CFDP1: variants seen among roughly 807,000 people sequenced by gnomAD.
CFDP1 encodes chromatin remodeling protein CFDP1, also known as heterochromatin-stabilizing protein CFDP1.
CFDP1 carries 31 observed loss-of-function variants against 40.1 expected under a neutral mutation model. The ratio of observed to expected loss-of-function variants is 0.77; its 90% CI spans 0.58 to 1.04. CFDP1 has a LOEUF of 1.04. Ranked by LOEUF, CFDP1 falls within the 50% of genes least tolerant of loss-of-function variation. CFDP1 has a pLI of 0.00. For synonymous variants in CFDP1, 167 were observed against 120.0 expected (o/e 1.39, Z -2.56); for missense variants, 423 against 343.4 (o/e 1.23, Z -1.83).
chr16:75,422,331 G>A (rs1309839206), intron 1 of CFDP1, among the ~76,000 whole-genome samples: 3 of 151,526 alleles, frequency 2.0e-5, no homozygotes, highest in South Asian at 4.2e-4. Flanking sequence ...TCTTGACCTC[G>A]TGATCCACCT....
chr16:75,404,258 C>T (rs1223199139), intron 4 of CFDP1, among the ~76,000 whole-genome samples: 2 of 143,354 alleles, frequency 1.4e-5, no homozygotes, highest in Non-Finnish European at 3.0e-5. Context: ...TTTTTTGAGA[C>T]GGAGTCTTGC....
chr16:75,314,985 C>A (rs1414952292), intron 5 of CFDP1, among the ~76,000 whole-genome samples: 1 of 152,118 alleles, frequency 6.6e-6, no homozygotes, highest in Non-Finnish European at 1.5e-5. Flanking sequence ...CTCCTGACCT[C>A]AAGTGATCCG....
At chr16:75,317,312 C>T (rs1946152703) in intron 5 of CFDP1, among the ~76,000 whole-genome samples, 1 of 152,248 alleles carries the variant, frequency 6.6e-6, no homozygotes, top group African/African-American at 2.4e-5. Context: ...TTCATCTCCT[C>T]CCTGGGAAAG....
At chr16:75,423,077 G>A (rs1454723243) in intron 1 of CFDP1, among the ~76,000 whole-genome samples, 6 of 151,818 alleles carry the variant, frequency 4.0e-5, no homozygotes, top group Non-Finnish European at 5.9e-5. Context: ...TCAGGAGATC[G>A]AGACCATCCT....
At chr16:75,411,037 G>A (rs1486476930) in intron 4 of CFDP1, among the ~76,000 whole-genome samples, 1 of 151,882 alleles carries the variant, frequency 6.6e-6, no homozygotes, top group East Asian at 1.9e-4. Context: ...TGGCCAACAT[G>A]GCGAAACCCC....
At chr16:75,321,519 C>T (rs968167494) in intron 5 of CFDP1, among the ~76,000 whole-genome samples, 3 of 152,148 alleles carry the variant, frequency 2.0e-5, no homozygotes, top group Non-Finnish European at 4.4e-5. Flanking sequence ...ATACTTTAAA[C>T]CAAGCTTGTC....
At chr16:75,416,414 TGAAAC>T (rs1428880906) in intron 1 of CFDP1, among the ~76,000 whole-genome samples, 16 of 126,572 alleles carry the variant, frequency 1.3e-4, no homozygotes, top group South Asian at 2.4e-4. Flanking sequence ...TTCAGAAAAA[TGAAAC>T]AAACAAAAAA....
chr16:75,307,624 C>T (rs2078267619), intron 5 of CFDP1, among the ~76,000 whole-genome samples: 1 of 152,134 alleles, frequency 6.6e-6, no homozygotes, highest in African/African-American at 2.4e-5. Flanking sequence ...ACCAGTGAAA[C>T]CACAGCTTAC....
At chr16:75,416,068 G>A (rs1324814458) in intron 1 of CFDP1, among the ~76,000 whole-genome samples, 2 of 152,062 alleles carry the variant, frequency 1.3e-5, no homozygotes, top group African/African-American at 2.4e-5. Context: ...GGCCAGGCTG[G>A]TTTTGAATTC....
At chr16:75,361,343 G>A (rs1258705892) in intron 5 of CFDP1, among the ~76,000 whole-genome samples, 1 of 152,108 alleles carries the variant, frequency 6.6e-6, no homozygotes, top group East Asian at 1.9e-4. Flanking sequence ...AAAGCCGGGC[G>A]CGGTGGCTCA....
intron 5 of CFDP1, among the ~76,000 whole-genome samples, chr16:75,362,562 A>G (rs116602925): frequency 1.1e-3 from 164 of 152,300 alleles, no homozygotes; most frequent in African/African-American, 3.8e-3. Flanking sequence ...GGCTCAAGAA[A>G]CCATGTAACA....
chr16:75,329,150 C>A (rs181697127), intron 5 of CFDP1, among the ~76,000 whole-genome samples: 14 of 151,838 alleles, frequency 9.2e-5, no homozygotes, highest in African/African-American at 3.4e-4. Context: ...TGTGCCCGGC[C>A]AACTTTTGTA....
chr16:75,343,165 A>G (rs1443909251), intron 5 of CFDP1, among the ~76,000 whole-genome samples: 2 of 152,144 alleles, frequency 1.3e-5, no homozygotes, highest in Non-Finnish European at 1.5e-5. Flanking sequence ...AGAAAAATGG[A>G]AAAAAGTCCC....
intron 5 of CFDP1, among the ~76,000 whole-genome samples, chr16:75,390,232 T>C (rs2078935672): frequency 6.6e-6 from 1 of 152,220 alleles, no homozygotes; most frequent in South Asian, 2.1e-4. Flanking sequence ...CTCTCTGCTC[T>C]AGGAGCTGCT....
intron 2 of CFDP1, among the ~76,000 whole-genome samples, chr16:75,414,011 G>A (rs2079183923): frequency 6.6e-6 from 1 of 151,944 alleles, no homozygotes; most frequent in African/African-American, 2.4e-5. Context: ...AATATTCACT[G>A]CACTCTTCTT....
At chr16:75,364,708 T>C (rs763474773) in intron 5 of CFDP1, among the ~76,000 whole-genome samples, 1 of 152,230 alleles carries the variant, frequency 6.6e-6, no homozygotes, top group Admixed American at 6.5e-5. Flanking sequence ...TTCACAAAAA[T>C]ATGCTACTTA....
At chr16:75,294,153 GACC>G (rs1040687522) in intron 6 of CFDP1, 111 bp from the exon 7 acceptor site, 36 of 735,368 alleles carry the variant, frequency 4.9e-5, no homozygotes, top group Admixed American at 4.8e-4. Context: ...TGCCGAGAGT[GACC>G]ACCCATGACT....
chr16:75,408,986 T>C (rs1459514307), intron 4 of CFDP1, among the ~76,000 whole-genome samples: 1 of 151,808 alleles, frequency 6.6e-6, no homozygotes, highest in Admixed American at 6.6e-5. Flanking sequence ...GCCTCCCAAG[T>C]AGCTAGGATT....
intron 5 of CFDP1, among the ~76,000 whole-genome samples, chr16:75,394,115 G>A (rs2078976789): frequency 2.0e-5 from 3 of 152,184 alleles, no homozygotes; most frequent in Admixed American, 1.3e-4. Context: ...GCTCCAGGAG[G>A]GAAGGAAGAG....
Sources: allele counts gnomAD v4.1 joint callset (sites outside exome capture counted in the v4.1 genomes callset), GRCh38; gene constraint gnomAD v4.1.1; transcripts MANE v1.5; gene names NCBI Gene and HGNC (gene_info 2026-07-23, HGNC 2026-07-21).